The following ENO1 variants were observed in gnomAD, a reference collection of about 807,000 sequenced individuals.
The protein encoded by ENO1 is alpha-enolase.
ENO1 carries 33 observed loss-of-function variants against 46.3 expected under a neutral mutation model. The ratio of observed to expected loss-of-function variants is 0.71; its 90% CI spans 0.54 to 0.95. The LOEUF (loss-of-function observed/expected upper bound fraction) is 0.95, where lower values mean the gene tolerates loss of function less well. Among genes scored for constraint, ENO1 ranks in the 40% least tolerant of loss-of-function variants. The pLI, the probability that ENO1 is intolerant of heterozygous loss-of-function variation, is 0.00. For synonymous variants in ENO1, 220 were observed against 216.0 expected (o/e 1.02, Z -0.16); for missense variants, 488 against 553.3 (o/e 0.88, Z 1.18).
Position 8,865,371 on chromosome 1 carries a change from T to G in ENO1, c.779A>C (p.Asp260Ala), listed in dbSNP as rs983597348. The G allele has an allele frequency of 1.2e-6, 2 of 1,614,154 alleles. No individual in the cohort carries two copies. The highest frequency in any genetic ancestry group is 1.7e-5 in the Admixed American group (1 of 60,014). The change falls in exon 8 of 12, where the codon GAC (aspartate) becomes GCC (alanine). Residue 260 changes from aspartate to alanine, a missense_variant. Physicochemically the swap from Asp to Ala is moderately radical, Grantham distance 126. Transcript: ENST00000234590. ...GCTGGGGTCATCGGGAGACTTGAAG[T>G]CCAGGTCATACTTCCCAGACCTGAA... is the stretch of plus-strand genomic sequence containing the variant. The part of the protein sequence containing the change: ...EFFRSGKYDL[D>A]FKSPDDPSRY...
chr1:8,867,949 T>A, intron 5 of ENO1, 39 bp downstream of exon 5: 7 of 1,582,952 alleles, frequency 4.4e-6, no homozygotes, highest in Non-Finnish European at 6.1e-6. Flanking sequence ...GGAGACTTCA[T>A]GATCTTCCCC....
At chr1:8,862,621 G>C (rs1642428755) in intron 11 of ENO1, among the ~76,000 whole-genome samples, 1 of 152,202 alleles carries the variant, frequency 6.6e-6, no homozygotes, top group African/African-American at 2.4e-5. Flanking sequence ...CTGTCAAAGG[G>C]GGTCCCATTC....
intron 8 of ENO1, among the ~76,000 whole-genome samples, 199 bp downstream of exon 8, chr1:8,865,086 A>G (rs1166567140): frequency 6.6e-6 from 1 of 152,120 alleles, no homozygotes; most frequent in African/African-American, 2.4e-5. Flanking sequence ...CGAGCTCCTT[A>G]GCTACACAAG....
rs1343209354 is a variant in ENO1 at position 8,863,989 on chromosome 1, G to T, written c.969C>A (p.Thr323=). The change falls in exon 9 of 12, where the codon ACC becomes ACA. Residue 323 remains threonine (T), a synonymous_variant. Coordinates refer to ENST00000234590, the MANE Select transcript of ENO1 (RefSeq NM_001428.5). ...CGGCCTTGGCGATCCTCTTTGGGTT[G>T]GTCACTGTGAGATCATCCCCCACTA... The part of the protein sequence containing the change: ...IQVVGDDLTV[T]NPKRIAKAVN... The T allele has an allele frequency of 6.2e-7, 1 of 1,614,158 alleles. No homozygotes were observed. The highest frequency in any genetic ancestry group is 8.5e-7 in the Non-Finnish European group (1 of 1,180,036).
In ENO1 at chr1:8,861,262, C is replaced by A. The variant is rs1226536480; in HGVS notation, c.*98G>T. 1.5e-6 allele frequency: 2 copies of A among 1,291,870 alleles called. No homozygotes were observed. Among genetic ancestry groups the A allele is most frequent in the Middle Eastern group, 2.6e-4 (1 of 3,806 alleles). The allele number at this position is 1,291,870 out of a possible 1,614,324, so 80.0% of individuals were successfully genotyped here. ...GTGGGGCGCTAACTAGCAGGGACCC[C>A]TGCAAGTGTTGGTCGGGGGCCTCGA... On this transcript the variant is annotated 3_prime_UTR_variant, in exon 12 of 12. Coordinates refer to ENST00000234590, the MANE Select transcript of ENO1 (RefSeq NM_001428.5).
At chr1:8,876,607 G>C (rs1247583092) in intron 1 of ENO1, among the ~76,000 whole-genome samples, 3 of 152,088 alleles carry the variant, frequency 2.0e-5, no homozygotes, top group Non-Finnish European at 4.4e-5. Flanking sequence ...TAAGACGAAA[G>C]AAAGTCTTGG....
chr1:8,862,738 C>T, intron 11 of ENO1, 149 bp downstream of exon 11: 1 of 864,502 alleles, frequency 1.2e-6, no homozygotes, highest in Non-Finnish European at 1.8e-6. Flanking sequence ...CTGACCTAAG[C>T]CTGCTCAGGG....
rs766049412 is a variant in ENO1, at chr1:8,863,283, A to T, written c.1128T>A (p.Thr376=). The T allele has an allele frequency of 1.9e-6, 3 of 1,614,054 alleles. No homozygotes were observed. In the African/African-American group the frequency reaches 4.0e-5, roughly 22 times the overall value. ...GVMVSHRSGE[T]EDTFIADLVV... ...CCAGGTCAGCGATGAAGGTATCTTC[A>T]GTCTCCCCCGAACGATGAGACACCA... The change falls in exon 10 of 12, where the codon ACT becomes ACA. Residue 376 remains threonine (T), a synonymous_variant. Coordinates refer to ENST00000234590, the MANE Select transcript of ENO1 (RefSeq NM_001428.5).
rs373462350 is a variant in ENO1, at chr1:8,867,968, C to T, written c.310+20G>A. The T allele has an allele frequency of 1.3e-4, 203 of 1,610,724 alleles. 1 individual carries two copies. The highest frequency in any genetic ancestry group is 8.6e-4 in the South Asian group (78 of 90,820). ...ACTTCATGATCTTCCCCAGTAAAGA[C>T]GCCACCTCAGGCCACTCACATTTAT... On this transcript the variant is annotated intron_variant, in intron 5 of 11. Transcript: ENST00000234590.
intron 1 of ENO1, chr1:8,878,022 C>G (rs1414004418): frequency 6.5e-6 from 1 of 153,058 alleles, no homozygotes; most frequent in African/African-American, 2.4e-5. Flanking sequence ...GGTGCCTTCT[C>G]GGAGTTAAAT....
chr1:8,874,402 C>A (rs569715503), intron 2 of ENO1, among the ~76,000 whole-genome samples: 1 of 151,594 alleles, frequency 6.6e-6, no homozygotes, highest in Non-Finnish European at 1.5e-5. Flanking sequence ...TATGGTGAAA[C>A]CCCCGTCTCT....
At chr1:8,872,920 G>A (rs1329188303) in intron 2 of ENO1, among the ~76,000 whole-genome samples, 1 of 152,202 alleles carries the variant, frequency 6.6e-6, no homozygotes, top group Admixed American at 6.5e-5. Flanking sequence ...CCAGCCATCT[G>A]GTGAAACCTA....
At chr1:8,873,178 GTGA>G (rs1356157781) in intron 2 of ENO1, among the ~76,000 whole-genome samples, 1 of 152,194 alleles carries the variant, frequency 6.6e-6, no homozygotes, top group Non-Finnish European at 1.5e-5. Flanking sequence ...CAGACTTTTG[GTGA>G]TGATAACGTG....
At chr1:8,876,796 A>AG (rs1282526916) in intron 1 of ENO1, among the ~76,000 whole-genome samples, 1 of 151,372 alleles carries the variant, frequency 6.6e-6, no homozygotes, top group Non-Finnish European at 1.5e-5. Context: ...ACTCCGTCTC[A>AG]GAAAAAAAAA....
intron 2 of ENO1, among the ~76,000 whole-genome samples, 182 bp from the exon 3 acceptor site, chr1:8,872,168 G>A (rs1461760389): frequency 6.6e-6 from 1 of 152,182 alleles, no homozygotes; most frequent in Non-Finnish European, 1.5e-5. Flanking sequence ...ATCCTGTACT[G>A]CAGAACTTAC....
intron 3 of ENO1, chr1:8,870,770 CA>C (rs1642615111): frequency 7.1e-7 from 1 of 1,412,844 alleles, no homozygotes; most frequent in Non-Finnish European, 9.2e-7. Flanking sequence ...GGTTAGTTTG[CA>C]AGACCATGCA....
chr1:8,877,521 GCA>G (rs1392709641), intron 1 of ENO1: 2 of 152,316 alleles, frequency 1.3e-5, no homozygotes, highest in African/African-American at 2.4e-5. Context: ...CCAGAGAAGC[GCA>G]CAGAGCAGGG....
rs112404068 is a variant in ENO1, at chr1:8,870,913, TGA to T, written c.182-405_182-404del. On this transcript the variant is annotated intron_variant, in intron 3 of 11. Coordinates refer to ENST00000234590, the MANE Select transcript of ENO1 (RefSeq NM_001428.5). ...CCAGCAGAGGATGAAGAAGGAAAAATGAGAGAGACTCAGAAGAGAACCGGTGA... is the reference window on the plus strand; with the variant it reads ...CCAGCAGAGGATGAAGAAGGAAAAATGAGAGACTCAGAAGAGAACCGGTGA... The T allele has an allele frequency of 3.3e-4, 410 of 1,255,580 alleles. 2 individuals are homozygous for T. In the African/African-American group the frequency reaches 4.0e-3, roughly 12 times the overall value. 77.8% of individuals were successfully genotyped at this position (1,255,580 alleles called of 1,614,324 possible). A position where few individuals can be genotyped will look rare whatever the true frequency, so the allele number is the denominator to read the frequency against.
In ENO1 at chr1:8,878,662, C is replaced by A; in HGVS notation, c.-92G>T. 2.2e-6 allele frequency: 1 copy of A among 456,106 alleles called. No individual in the cohort carries two copies. 28.3% of individuals were successfully genotyped at this position (456,106 alleles called of 1,614,324 possible). On this transcript the variant is annotated 5_prime_UTR_variant, in exon 1 of 12. Coordinates refer to ENST00000234590, the MANE Select transcript of ENO1 (RefSeq NM_001428.5). ...GTGAACGTAAAGCCGGCGAGATCTC[C>A]GTGCTCCGGGTACCCACAGATACTG...
Sources: gnomAD v4.1 joint callset for allele counts (sites outside exome capture counted in the v4.1 genomes callset) on GRCh38, gnomAD v4.1.1 for gene constraint, MANE v1.5 for transcripts, NCBI Gene and HGNC (gene_info 2026-07-23, HGNC 2026-07-21) for gene names.